TERB2: variants seen among roughly 807,000 people sequenced by gnomAD.
TERB2 encodes telomere repeat binding bouquet formation protein 2.
Under a neutral mutation model 29.8 loss-of-function variants are expected in TERB2, and 26 were observed. That is an observed-to-expected ratio of 0.87 (90% CI 0.64 to 1.21). The LOEUF (loss-of-function observed/expected upper bound fraction) is 1.21. Among genes scored for constraint, TERB2 ranks in the 50% most tolerant of loss-of-function variants. The pLI is 0.00. For missense variants in TERB2, 240 were observed against 268.6 expected, an observed-to-expected ratio of 0.89 and a Z score of 0.74; for synonymous variants, 80 against 90.8, an observed-to-expected ratio of 0.88 and a Z score of 0.68.
intron 6 of TERB2, chr15:44,975,959 T>C (rs1892041395): frequency 6.6e-6 from 1 of 152,242 alleles, no homozygotes; most frequent in African/African-American, 2.4e-5. Flanking sequence ...CAAAAGGTTC[T>C]GATAATTAAA....
Position 44,977,098 on chromosome 15 carries a change from A to AAC in TERB2, c.524-1374_524-1373dup, listed in dbSNP as rs373706136. On this transcript the variant is annotated intron_variant, in intron 6 of 6. Coordinates refer to ENST00000340827, the MANE Select transcript of TERB2 (RefSeq NM_152448.3). ...GGGCAACAAAATAAGACCCTGTCAA[A>AAC]ACACACACACACACACACCCCAGAA... 4.5e-3 allele frequency among the ~76,000 whole-genome samples: 666 copies of AAC among 148,880 alleles called. 6 individuals carry two copies. Among genetic ancestry groups the AAC allele is most frequent in the African/African-American group, 0.015 (602 of 40,394 alleles).
At chr15:44,962,194 T>C (rs2141239863) in intron 4 of TERB2, among the ~76,000 whole-genome samples, 1 of 151,590 alleles carries the variant, frequency 6.6e-6, no homozygotes, top group South Asian at 2.1e-4. Context: ...TTTTTTTTTT[T>C]TTTTGGAGAC....
rs186502018 is a variant in TERB2, at chr15:44,958,040, T to C, written c.147-333T>C. ...GCACACTCCTCACCTCAGGATTAAT[T>C]GATCCCTCTTTATAGCAATGACCAT... On this transcript the variant is annotated intron_variant, in intron 2 of 6. Transcript: ENST00000340827. Among the ~76,000 whole-genome samples the C allele has an allele frequency of 1.4e-4, 22 of 152,324 alleles. No individual in the cohort carries two copies. The East Asian group carries it at 3.3e-3, about 23-fold the overall frequency.
chr15:44,968,213 C>G (rs1315411505), intron 5 of TERB2, among the ~76,000 whole-genome samples: 1 of 150,926 alleles, frequency 6.6e-6, no homozygotes, highest in Non-Finnish European at 1.5e-5. Flanking sequence ...CAGTGATAAC[C>G]TTCATTTTTT....
At position 44,958,403 on chromosome 15, in the gene TERB2, T is replaced by G. The variant is rs762984083; in HGVS notation, c.177T>G (p.Asp59Glu). The change falls in exon 3 of 7, where the codon GAT becomes GAG. Residue 59 changes from aspartate (D) to glutamate (E), a missense_variant. Asp to Glu is a conservative substitution (Grantham distance 45). Transcript: ENST00000340827. ...RIYQSLDYIEDNATVFHAYYL... is the reference protein window; with the variant it reads ...RIYQSLDYIEENATVFHAYYL... ...ATCAGAGCCTTGATTACATAGAAGA[T>G]AATGCTACAGTTTTTCATGCCTACT... is the stretch of plus-strand genomic sequence containing the variant. 1 of 1,613,860 alleles carries G rather than the reference T, an allele frequency of 6.2e-7. No individual in the cohort carries two copies. The highest frequency in any genetic ancestry group is 1.1e-5 in the South Asian group (1 of 90,964).
At chr15:44,963,484 G>C (rs188970272) in intron 4 of TERB2, among the ~76,000 whole-genome samples, 27 of 152,040 alleles carry the variant, frequency 1.8e-4, no homozygotes, top group Non-Finnish European at 3.5e-4. Flanking sequence ...AAAGCAATAG[G>C]AGCATAGTAG....
rs539410895 is a variant in TERB2, at chr15:44,973,738, T to C, written c.435-129T>C. ...AATCCAAATATATACATATGTGGTA[T>C]AGTATACTATAGTAAAGGTAATTAT... On this transcript the variant is annotated intron_variant, in intron 5 of 6. Transcript: ENST00000340827. The C allele has an allele frequency of 4.8e-6, 3 of 623,634 alleles. No homozygotes were observed. In the East Asian group the frequency reaches 3.0e-4, roughly 63 times the overall value. 38.6% of individuals were successfully genotyped at this position (623,634 alleles called of 1,614,324 possible).
intron 6 of TERB2, among the ~76,000 whole-genome samples, chr15:44,976,814 G>A (rs140695094): frequency 6.6e-6 from 1 of 152,254 alleles, no homozygotes; most frequent in African/African-American, 2.4e-5. Context: ...CATTTGCTTT[G>A]AGAGTGAATG....
chr15:44,961,747 T>C (rs1055124449), intron 4 of TERB2, among the ~76,000 whole-genome samples, 163 bp downstream of exon 4: 2 of 152,244 alleles, frequency 1.3e-5, no homozygotes, highest in African/African-American at 2.4e-5. Context: ...TCTCCCAGGC[T>C]GGAGTGTAGC....
In TERB2 at chr15:44,958,930, G is replaced by A. The variant is rs547328126; in HGVS notation, c.286+418G>A. On this transcript the variant is annotated intron_variant, in intron 3 of 6. Coordinates refer to ENST00000340827, the MANE Select transcript of TERB2 (RefSeq NM_152448.3). The stretch of plus-strand genomic sequence containing the variant: ...GCGGTAGGGCGTGCCTGTAATCCCA[G>A]CACTTTGGGAAACTGAGGCGGGCAG... Among the ~76,000 whole-genome samples, 4 of 152,320 alleles carry A rather than the reference G, an allele frequency of 2.6e-5. No individual in the cohort carries two copies. The South Asian group carries it at 8.3e-4, about 32-fold the overall frequency.
Position 44,978,648 on chromosome 15 carries a change from C to G in TERB2, c.*20C>G. ...AAATAGTAAATTAAATTGTAAATAC[C>G]TTGGCATTTATTTTCTATAAAATAT... On this transcript the variant is annotated 3_prime_UTR_variant, in exon 7 of 7. Transcript: ENST00000340827. 6.4e-7 allele frequency: 1 copy of G among 1,562,338 alleles called. No individual in the cohort carries two copies. The highest frequency in any genetic ancestry group is 1.2e-5 in the South Asian group (1 of 81,534).
chr15:44,973,555 T>C (rs1375067007), intron 5 of TERB2: 2 of 152,458 alleles, frequency 1.3e-5, no homozygotes, highest in Non-Finnish European at 2.9e-5. Context: ...AATTACTATA[T>C]ATGTGCTCAC....
At chr15:44,968,836 A>C (rs1891926828) in intron 5 of TERB2, among the ~76,000 whole-genome samples, 3 of 151,810 alleles carry the variant, frequency 2.0e-5, no homozygotes, top group Non-Finnish European at 4.4e-5. Context: ...TACTTTTTTG[A>C]TAGTTTTCTT....
intron 5 of TERB2, among the ~76,000 whole-genome samples, chr15:44,969,569 G>C (rs1039972326): frequency 6.6e-6 from 1 of 151,562 alleles, no homozygotes; most frequent in Non-Finnish European, 1.5e-5. Flanking sequence ...CATGAGGATA[G>C]CTTGAGGCCA....
chr15:44,959,069 T>A (rs926671630), intron 3 of TERB2, among the ~76,000 whole-genome samples: 3 of 152,184 alleles, frequency 2.0e-5, no homozygotes, highest in African/African-American at 7.2e-5. Context: ...GATAATGTAT[T>A]AAGGTGTCTG....
At chr15:44,959,733 GC>G (rs1891773029) in intron 3 of TERB2, among the ~76,000 whole-genome samples, 1 of 152,056 alleles carries the variant, frequency 6.6e-6, no homozygotes, top group Admixed American at 6.6e-5. Flanking sequence ...TATGTAGGTG[GC>G]AAGCATATCA....
chr15:44,971,598 A>G (rs1055582761), intron 5 of TERB2, among the ~76,000 whole-genome samples: 19 of 152,074 alleles, frequency 1.2e-4, no homozygotes, highest in African/African-American at 4.3e-4. Context: ...TACTAAAAAT[A>G]CAAAAAATTA....
intron 6 of TERB2, among the ~76,000 whole-genome samples, chr15:44,978,129 T>C (rs1753242635): frequency 6.6e-6 from 1 of 152,202 alleles, no homozygotes; most frequent in Non-Finnish European, 1.5e-5. Flanking sequence ...TAGTAGCTAG[T>C]TGGATGGATA....
intron 6 of TERB2, 29 bp downstream of exon 6, chr15:44,973,984 T>G (rs2141245002): frequency 6.7e-7 from 1 of 1,485,946 alleles, no homozygotes; most frequent in East Asian, 2.6e-5. Context: ...TAGAGTAAAC[T>G]CAGGTAGGAA....
Sources: gnomAD v4.1 joint callset for allele counts (sites outside exome capture counted in the v4.1 genomes callset) on GRCh38, gnomAD v4.1.1 for gene constraint, MANE v1.5 for transcripts, NCBI Gene and HGNC (gene_info 2026-07-23, HGNC 2026-07-21) for gene names.